CDYL2: variants seen among roughly 807,000 people sequenced by gnomAD.
The protein encoded by CDYL2 is chromodomain Y-like protein 2.
A neutral mutation model predicts 49.4 loss-of-function variants in CDYL2; 23 were observed. The ratio of observed to expected loss-of-function variants is 0.47; its 90% CI spans 0.34 to 0.66. The LOEUF is 0.66. Ranked by LOEUF, CDYL2 falls within the 30% of genes least tolerant of loss-of-function variation. The probability of loss-of-function intolerance (pLI) is 0.01; values close to 1 mark genes in which losing one functional copy is unlikely to be tolerated. For synonymous variants in CDYL2, 360 were observed against 268.8 expected (o/e 1.34, Z -3.32); for missense variants, 678 against 656.4 (o/e 1.03, Z -0.36).
intron 2 of CDYL2, among the ~76,000 whole-genome samples, chr16:80,671,826 T>C (rs1048214084): frequency 1.3e-5 from 2 of 152,200 alleles, no homozygotes; most frequent in African/African-American, 4.8e-5. Context: ...TATGGTAAAA[T>C]TAGCAGTATA....
chr16:80,643,755 G>A (rs897527510), intron 2 of CDYL2, among the ~76,000 whole-genome samples: 3 of 152,196 alleles, frequency 2.0e-5, no homozygotes, highest in Admixed American at 6.5e-5. Flanking sequence ...GAGCAGCTGG[G>A]ACACAGGGCA....
rs569453816 is a variant in CDYL2 at position 80,644,816 on chromosome 16, G to A, written c.617-11580C>T. On this transcript the variant is annotated intron_variant, in intron 2 of 6. Transcript: ENST00000570137. ...ATACAGACCAATGGAACAGAACAGA[G>A]CCCTCAGAAATAATTCCACACATCT... is the stretch of plus-strand genomic sequence containing the variant. 2.0e-5 allele frequency among the ~76,000 whole-genome samples: 3 copies of A among 152,198 alleles called. No homozygotes were observed. In the East Asian group the frequency reaches 5.8e-4, roughly 29 times the overall value.
intron 1 of CDYL2, among the ~76,000 whole-genome samples, chr16:80,764,006 G>A (rs797022099): frequency 3.3e-5 from 5 of 151,930 alleles, no homozygotes; most frequent in African/African-American, 1.2e-4. Flanking sequence ...GAAAAGCACT[G>A]GAGAAATTAA....
intron 2 of CDYL2, among the ~76,000 whole-genome samples, chr16:80,655,519 C>T (rs561399140): frequency 6.6e-6 from 1 of 152,058 alleles, no homozygotes; most frequent in Admixed American, 6.5e-5. Context: ...GGGAGGTGTT[C>T]GTGAACCCAA....
chr16:80,612,560 C>A lies in CDYL2; in HGVS notation c.1218+66G>T. The A allele has an allele frequency of 1.4e-6, 2 of 1,468,444 alleles. No homozygotes were observed. The highest frequency in any genetic ancestry group is 1.3e-5 in the South Asian group (1 of 75,146). The allele number at this position is 1,468,444 out of a possible 1,614,324, so 91.0% of individuals were successfully genotyped here. Reference sequence around the variant, plus strand: ...CTCAGGTTTCTAGCCCCATGAAGAGCCCCTAAACCCAAGGCAGAGGAAGGA... The same window carrying A: ...CTCAGGTTTCTAGCCCCATGAAGAGACCCTAAACCCAAGGCAGAGGAAGGA... On this transcript the variant is annotated intron_variant, in intron 5 of 6. Coordinates refer to ENST00000570137, the MANE Select transcript of CDYL2 (RefSeq NM_152342.4). The surrounding 1 kb of genome is among the most constrained non-coding windows in gnomAD (Gnocchi z 5.0).
rs903072402 is a variant in CDYL2 at position 80,603,469 on chromosome 16, C to T, written c.*919G>A. 13 of 152,168 alleles carry T rather than the reference C, an allele frequency of 8.5e-5. No individual in the cohort carries two copies. Among genetic ancestry groups the T allele is most frequent in the African/African-American group, 2.7e-4 (11 of 41,434 alleles). 9.4% of individuals were successfully genotyped at this position (152,168 alleles called of 1,614,324 possible). On this transcript the variant is annotated 3_prime_UTR_variant, in exon 7 of 7. Coordinates refer to ENST00000570137, the MANE Select transcript of CDYL2 (RefSeq NM_152342.4). ...AGTATTCTATTATTACAGCTGAGAA[C>T]CGTTTTACACAGAGGTGCAGCGCTA...
chr16:80,639,220 C>T (rs961346898), intron 2 of CDYL2, among the ~76,000 whole-genome samples: 2 of 152,108 alleles, frequency 1.3e-5, no homozygotes, highest in African/African-American at 2.4e-5. Flanking sequence ...GAGAGGATGC[C>T]GAGTGACAGG....
intron 1 of CDYL2, 105 bp from the exon 2 acceptor site, chr16:80,685,234 C>T: frequency 1.1e-6 from 1 of 870,898 alleles, no homozygotes; most frequent in Non-Finnish European, 1.8e-6. Context: ...AGGCATCTAC[C>T]CTAGCCAGGG....
At chr16:80,747,261 G>T (rs545459365) in intron 1 of CDYL2, among the ~76,000 whole-genome samples, 1 of 152,286 alleles carries the variant, frequency 6.6e-6, no homozygotes, top group East Asian at 1.9e-4. Context: ...GAGGATCTCA[G>T]CATCTAGCAT....
At chr16:80,697,658 T>A (rs1280239063) in intron 1 of CDYL2, among the ~76,000 whole-genome samples, 5 of 151,954 alleles carry the variant, frequency 3.3e-5, no homozygotes, top group African/African-American at 9.7e-5. Flanking sequence ...AACATGATCT[T>A]ATATATATAT....
chr16:80,804,250 GGTGTGCGCGTGTGTGTGCGCGCGTGT>G lies in CDYL2; in HGVS notation c.-103_-78del. ...CTCCGTGCGTGTGCGCGCGGGGTCC[GGTGTGCGCGTGTGTGTGCGCGCGTGT>G]GTGTGCGAGTGTGTGTGGTGTGTTG... On this transcript the variant is annotated 5_prime_UTR_variant, in exon 1 of 7. Coordinates refer to ENST00000570137, the MANE Select transcript of CDYL2 (RefSeq NM_152342.4). 1 of 1,280,090 alleles carries G rather than the reference GGTGTGCGCGTGTGTGTGCGCGCGTGT, an allele frequency of 7.8e-7. No individual in the cohort carries two copies. Among genetic ancestry groups the G allele is most frequent in the Non-Finnish European group, 1.0e-6 (1 of 974,832 alleles). The allele number at this position is 1,280,090 out of a possible 1,614,324, so 79.3% of individuals were successfully genotyped here. A position where few individuals can be genotyped will look rare whatever the true frequency, so the allele number is the denominator to read the frequency against.
chr16:80,804,464 G>T lies in CDYL2; in HGVS notation c.-291C>A. 6.9e-6 allele frequency: 1 copy of T among 145,620 alleles called. No homozygotes were observed. Among genetic ancestry groups the T allele is most frequent in the South Asian group, 1.8e-4 (1 of 5,452 alleles). The allele number at this position is 145,620 out of a possible 1,614,324, so 9.0% of individuals were successfully genotyped here. On this transcript the variant is annotated 5_prime_UTR_variant, in exon 1 of 7. Transcript: ENST00000570137. ...GCCGCGCAGCGCGCCCGGGAGGCAC[G>T]GACGCGGCCCGAGCGCCGCGGCCCC...
At chr16:80,728,849 C>G (rs978144501) in intron 1 of CDYL2, among the ~76,000 whole-genome samples, 57 of 151,348 alleles carry the variant, frequency 3.8e-4, no homozygotes, top group Admixed American at 9.9e-4. Flanking sequence ...TCCAGCCAAA[C>G]TAAGCTTCAT....
At chr16:80,671,857 G>C (rs1159998213) in intron 2 of CDYL2, among the ~76,000 whole-genome samples, 1 of 152,176 alleles carries the variant, frequency 6.6e-6, no homozygotes, top group Admixed American at 6.5e-5. Context: ...TGGGAATCTA[G>C]TCTAGAAAAA....
intron 2 of CDYL2, among the ~76,000 whole-genome samples, chr16:80,640,155 G>A (rs1052836504): frequency 6.6e-6 from 1 of 152,138 alleles, no homozygotes; most frequent in Non-Finnish European, 1.5e-5. Context: ...GGGAGTGCTG[G>A]TATCACCGCT....
intron 1 of CDYL2, among the ~76,000 whole-genome samples, chr16:80,710,870 T>C (rs1174185989): frequency 6.6e-6 from 1 of 152,242 alleles, no homozygotes; most frequent in Non-Finnish European, 1.5e-5. Context: ...TCACTGCATA[T>C]CATATACCCA....
intron 1 of CDYL2, among the ~76,000 whole-genome samples, chr16:80,733,226 T>A (rs1033955514): frequency 1.3e-5 from 2 of 152,174 alleles, no homozygotes; most frequent in Admixed American, 1.3e-4. Flanking sequence ...CAAAAAAAGC[T>A]CTTAAATATT....
At chr16:80,625,095 C>T (rs1263728663) in intron 3 of CDYL2, among the ~76,000 whole-genome samples, 1 of 152,186 alleles carries the variant, frequency 6.6e-6, no homozygotes, top group Non-Finnish European at 1.5e-5. Flanking sequence ...TAAAAAATTA[C>T]TATAAATTTG....
intron 2 of CDYL2, among the ~76,000 whole-genome samples, chr16:80,681,277 TG>T (rs934827489): frequency 2.0e-5 from 3 of 152,032 alleles, no homozygotes; most frequent in Non-Finnish European, 4.4e-5. Flanking sequence ...CCCTCCTTTG[TG>T]CTGCAAACCC....
Sources: allele counts gnomAD v4.1 joint callset (sites outside exome capture counted in the v4.1 genomes callset), GRCh38; gene constraint gnomAD v4.1.1; non-coding constraint Gnocchi (gnomAD v3.1); transcripts MANE v1.5; gene names NCBI Gene and HGNC (gene_info 2026-07-23, HGNC 2026-07-21).